ITGA8: variants seen among roughly 807,000 people sequenced by gnomAD.
ITGA8 encodes integrin alpha-8.
In ITGA8, 91 loss-of-function variants were observed where a neutral mutation model predicts 142.3. The observed-to-expected ratio is 0.64, with a 90% CI of 0.54 to 0.76. The LOEUF is 0.76. Ranked by LOEUF, ITGA8 falls within the 30% of genes least tolerant of loss-of-function variation. The pLI is 0.00. For synonymous variants in ITGA8, 505 were observed against 485.2 expected (o/e 1.04, Z -0.54); for missense variants, 1,406 against 1,327.7 (o/e 1.06, Z -0.92).
chr10:15,643,911 C>T (rs1833915466), intron 13 of ITGA8, 119 bp downstream of exon 13: 3 of 800,970 alleles, frequency 3.7e-6, no homozygotes, highest in Admixed American at 2.9e-5. Context: ...AAGCCTGTGG[C>T]ATGCTTAAGC....
intron 27 of ITGA8, among the ~76,000 whole-genome samples, chr10:15,544,711 C>T (rs1425508228): frequency 6.6e-6 from 1 of 152,194 alleles, no homozygotes; most frequent in Admixed American, 6.5e-5. Flanking sequence ...GGTATTCACA[C>T]CCTTGTGTGG....
At chr10:15,703,482 A>G (rs1297495142) in intron 2 of ITGA8, among the ~76,000 whole-genome samples, 1 of 152,222 alleles carries the variant, frequency 6.6e-6, no homozygotes, top group Non-Finnish European at 1.5e-5. Flanking sequence ...TACGATGCAA[A>G]TAATATTTTG....
At position 15,565,573 on chromosome 10, in the gene ITGA8, A is replaced by ATTTTTTTTTTTTTTTT. The variant is rs71374633; in HGVS notation, c.2637+6622_2637+6637dup. Among the ~76,000 whole-genome samples, 25 of 34,784 alleles carry ATTTTTTTTTTTTTTTT rather than the reference A, an allele frequency of 7.2e-4. 2 individuals are homozygous for ATTTTTTTTTTTTTTTT. Among genetic ancestry groups the ATTTTTTTTTTTTTTTT allele is most frequent in the Non-Finnish European group, 1.2e-3 (23 of 19,700 alleles). The allele number at this position is 34,784 out of a possible 152,430, so 22.8% of individuals were successfully genotyped here. ...ATAATCTTCTTCCTTTCATGTCCTG[A>ATTTTTTTTTTTTTTTT]TTTTTTTTTTTTTTTTTTTTTTTTT... On this transcript the variant is annotated intron_variant, in intron 25 of 29. Transcript: ENST00000378076.
chr10:15,712,236 G>A (rs1289822787), intron 2 of ITGA8, among the ~76,000 whole-genome samples: 2 of 152,164 alleles, frequency 1.3e-5, no homozygotes, highest in African/African-American at 2.4e-5. Flanking sequence ...GGATGAATGA[G>A]TGTTTTTTTA....
intron 27 of ITGA8, among the ~76,000 whole-genome samples, chr10:15,546,323 C>T (rs535213038): frequency 6.6e-6 from 1 of 152,318 alleles, no homozygotes; most frequent in South Asian, 2.1e-4. Flanking sequence ...AGCTATTTCT[C>T]CTATAACTAG....
intron 28 of ITGA8, among the ~76,000 whole-genome samples, chr10:15,528,762 GA>G (rs1833229913): frequency 6.6e-6 from 1 of 152,062 alleles, no homozygotes; most frequent in East Asian, 1.9e-4. Context: ...ATTTTTAGAT[GA>G]AACTTCTATA....
chr10:15,694,671 T>A (rs141071303), intron 2 of ITGA8, among the ~76,000 whole-genome samples: 18,680 of 56,636 alleles, frequency 0.33, 1,650 homozygotes, highest in South Asian at 0.43. Flanking sequence ...ATATCTATAT[T>A]TGTCGACATA....
chr10:15,688,276 G>A (rs1834869016), intron 2 of ITGA8, among the ~76,000 whole-genome samples: 1 of 119,964 alleles, frequency 8.3e-6, no homozygotes, highest in African/African-American at 3.1e-5. Context: ...GCAACATGGT[G>A]AAACCCTGTC....
At chr10:15,639,339 G>A (rs1588691334) in intron 13 of ITGA8, among the ~76,000 whole-genome samples, 1 of 152,252 alleles carries the variant, frequency 6.6e-6, no homozygotes, top group South Asian at 2.1e-4. Context: ...ACCTGGAAGT[G>A]AGCCGCCAAG....
intron 25 of ITGA8, among the ~76,000 whole-genome samples, chr10:15,565,163 T>C (rs1308296059): frequency 6.6e-6 from 1 of 152,210 alleles, no homozygotes; most frequent in East Asian, 1.9e-4. Flanking sequence ...TCAGGCACTC[T>C]TAAAAAGGCA....
intron 2 of ITGA8, among the ~76,000 whole-genome samples, chr10:15,692,152 T>C (rs1834947624): frequency 6.6e-6 from 1 of 152,132 alleles, no homozygotes; most frequent in East Asian, 1.9e-4. Flanking sequence ...AGGCTGGCCT[T>C]GAACTCCTGA....
intron 25 of ITGA8, among the ~76,000 whole-genome samples, chr10:15,567,163 A>AG (rs1361221708): frequency 2.1e-4 from 32 of 151,454 alleles, no homozygotes; most frequent in Non-Finnish European, 8.8e-5. Flanking sequence ...TCAAAAAAAA[A>AG]AAGAAGAAAA....
In ITGA8 at chr10:15,516,237, T is replaced by C. The variant is rs1234335217; in HGVS notation, c.*921A>G. 1.6e-4 allele frequency: 25 copies of C among 152,240 alleles called. No individual in the cohort carries two copies. Among genetic ancestry groups the C allele is most frequent in the Admixed American group, 1.6e-3 (25 of 15,278 alleles). 9.4% of individuals were successfully genotyped at this position (152,240 alleles called of 1,614,324 possible). ...AAGGTAGAGAGTACCTCGAAATTCA[T>C]GTATTAACTAAGTCAATGGAAAGAT... On this transcript the variant is annotated 3_prime_UTR_variant, in exon 30 of 30. Transcript: ENST00000378076.
At chr10:15,523,954 A>G (rs576249080) in intron 28 of ITGA8, among the ~76,000 whole-genome samples, 21 of 152,180 alleles carry the variant, frequency 1.4e-4, no homozygotes, top group African/African-American at 5.1e-4. Context: ...ACAAAAAAAC[A>G]AAAAACACTT....
intron 2 of ITGA8, among the ~76,000 whole-genome samples, chr10:15,706,959 G>A (rs1010748626): frequency 6.6e-6 from 1 of 152,048 alleles, no homozygotes; most frequent in African/African-American, 2.4e-5. Flanking sequence ...CATTTCTCAA[G>A]CACACCCACA....
At chr10:15,665,458 T>C (rs1424739969) in intron 8 of ITGA8, among the ~76,000 whole-genome samples, 1 of 152,172 alleles carries the variant, frequency 6.6e-6, no homozygotes, top group African/African-American at 2.4e-5. Flanking sequence ...TTTTCCCATT[T>C]TTTAGGTTGC....
At chr10:15,624,799 T>C (rs1182614564) in intron 13 of ITGA8, among the ~76,000 whole-genome samples, 1 of 152,202 alleles carries the variant, frequency 6.6e-6, no homozygotes, top group Admixed American at 6.5e-5. Flanking sequence ...ACAATGATGA[T>C]ATTAAGAGAA....
chr10:15,676,288 T>C (rs1470826811), intron 6 of ITGA8, among the ~76,000 whole-genome samples: 2 of 152,238 alleles, frequency 1.3e-5, no homozygotes, highest in Non-Finnish European at 2.9e-5. Flanking sequence ...TGCTGGCCTA[T>C]GCAGCACCTT....
chr10:15,559,103 GATGAA>G (rs1186203952), intron 25 of ITGA8, among the ~76,000 whole-genome samples: 2 of 152,180 alleles, frequency 1.3e-5, no homozygotes, highest in Non-Finnish European at 2.9e-5. Flanking sequence ...CATCACAAAA[GATGAA>G]ATGAGAGTGC....
Sources: gnomAD v4.1 joint callset for allele counts (sites outside exome capture counted in the v4.1 genomes callset) on GRCh38, gnomAD v4.1.1 for gene constraint, MANE v1.5 for transcripts, NCBI Gene and HGNC (gene_info 2026-07-23, HGNC 2026-07-21) for gene names.